MPG: variants seen among roughly 807,000 people sequenced by gnomAD.
MPG encodes N-methylpurine DNA glycosylase.
MPG carries 33 observed loss-of-function variants against 31.7 expected under a neutral mutation model. The observed-to-expected ratio is 1.04, with a 90% CI of 0.79 to 1.39. The LOEUF is 1.39. Among genes scored for constraint, MPG ranks in the 40% most tolerant of loss-of-function variants. MPG has a pLI of 0.00. For synonymous variants in MPG, 202 were observed against 169.2 expected, an observed-to-expected ratio of 1.19 and a Z score of -1.51; for missense variants, 455 against 415.5, an observed-to-expected ratio of 1.10 and a Z score of -0.83.
intron 3 of MPG, 64 bp from the exon 4 acceptor site, chr16:85,335 ATG>A: frequency 6.6e-7 from 1 of 1,504,612 alleles, no homozygotes; most frequent in Non-Finnish European, 8.9e-7. Flanking sequence ...GGATGTCTGG[ATG>A]TGTACTAGGG....
At chr16:84,115 G>A (rs1010547321) in intron 3 of MPG, among the ~76,000 whole-genome samples, 1 of 152,164 alleles carries the variant, frequency 6.6e-6, no homozygotes, top group Admixed American at 6.5e-5. Context: ...CTCTGTGGGG[G>A]CTCAGTGAGA....
In MPG at chr16:85,646, G is replaced by A. The variant is rs1271976685; in HGVS notation, c.751G>A (p.Val251Ile). 1 of 1,591,068 alleles carries A rather than the reference G, an allele frequency of 6.3e-7. No individual in the cohort carries two copies. The highest frequency in any genetic ancestry group is 8.6e-7 in the Non-Finnish European group (1 of 1,164,424). Reference sequence around the variant, plus strand: ...TCCCCTGGAGCCCAGTGAGCCGGCTGTAGTGGCAGCAGCCCGGGTGGGCGT... The same window carrying A: ...TCCCCTGGAGCCCAGTGAGCCGGCTATAGTGGCAGCAGCCCGGGTGGGCGT... ...RGPLEPSEPA[V>I]VAAARVGVGH... The change falls in exon 4 of 4, where the codon GTA (valine) becomes ATA (isoleucine). Residue 251 changes from valine to isoleucine, a missense_variant. Coordinates refer to ENST00000356432, the MANE Select transcript of MPG (RefSeq NM_001015052.3).
In MPG at chr16:80,048, C is replaced by G. The variant is rs146761688; in HGVS notation, c.300+348C>G. On this transcript the variant is annotated intron_variant, in intron 2 of 3. Transcript: ENST00000356432. ...TGGGAACTGTGGCTGTGGCCAGTGT[C>G]GGGCTGCCCCTTCCCGCTGTAGTGG... Among the ~76,000 whole-genome samples the G allele has an allele frequency of 4.0e-4, 61 of 152,350 alleles. 1 individual carries two copies. The highest frequency in any genetic ancestry group is 1.4e-3 in the African/African-American group (58 of 41,592).
chr16:78,176 C>T (rs1447847453), upstream of MPG: 17 of 744,064 alleles, frequency 2.3e-5, no homozygotes, highest in Admixed American at 9.6e-5. Flanking sequence ...GCTCACTGCC[C>T]CCCTTCTCCC....
rs772617796 is a variant in MPG at position 85,445 on chromosome 16, G to A, written c.550G>A (p.Gly184Ser). ...VLLRALEPLE[G>S]LETMRQLRST... Reference sequence around the variant, plus strand: ...GCTGCGAGCACTGGAGCCCCTGGAAGGTCTGGAGACCATGCGTCAGCTTCG... The same window carrying A: ...GCTGCGAGCACTGGAGCCCCTGGAAAGTCTGGAGACCATGCGTCAGCTTCG... Residue 184 changes from glycine (G) to serine (S), a missense_variant, in exon 4 of 4, where the codon GGT becomes AGT. Coordinates refer to ENST00000356432, the MANE Select transcript of MPG (RefSeq NM_001015052.3). 6.2e-7 allele frequency: 1 copy of A among 1,612,512 alleles called. No homozygotes were observed. Among genetic ancestry groups the A allele is most frequent in the South Asian group, 1.1e-5 (1 of 91,046 alleles).
chr16:83,949 C>T lies in MPG; in HGVS notation c.505+693C>T, dbSNP rs189243969. 2.2e-3 allele frequency among the ~76,000 whole-genome samples: 331 copies of T among 152,000 alleles called. 2 individuals are homozygous for T. Among genetic ancestry groups the T allele is most frequent in the African/African-American group, 7.6e-3 (316 of 41,434 alleles). On this transcript the variant is annotated intron_variant, in intron 3 of 3. Coordinates refer to ENST00000356432, the MANE Select transcript of MPG (RefSeq NM_001015052.3). ...GCACAGCAGGGGGACTTAGGGTCGG[C>T]GGAGGAGTCGGTGAGGAAAGGGAGG...
At position 83,221 on chromosome 16, in the gene MPG, A is replaced by G. The variant is rs775633395; in HGVS notation, c.470A>G (p.Tyr157Cys). 8 of 1,612,742 alleles carry G rather than the reference A, an allele frequency of 5.0e-6. No homozygotes were observed. In the East Asian group the frequency reaches 1.8e-4, roughly 36 times the overall value. ...KPGTLYVYII[Y>C]GMYFCMNISS... The stretch of plus-strand genomic sequence containing the variant: ...GGGACCCTGTACGTGTACATCATTT[A>G]CGGCATGTACTTCTGCATGAACATC... Residue 157 changes from tyrosine (Y) to cysteine (C), a missense_variant, in exon 3 of 4, where the codon TAC becomes TGC. Transcript: ENST00000356432.
chr16:79,773 T>C (rs1898193056), intron 2 of MPG, 73 bp downstream of exon 2: 1 of 1,480,104 alleles, frequency 6.8e-7, no homozygotes, highest in Non-Finnish European at 9.1e-7. Flanking sequence ...CCCTGTCCGC[T>C]GCCTGCTGGA....
chr16:79,897 G>A (rs1184619186), intron 2 of MPG, 197 bp downstream of exon 2: 2 of 675,666 alleles, frequency 3.0e-6, no homozygotes, highest in Admixed American at 2.9e-5. Context: ...TGTAGAGATT[G>A]TCAGTGCTGC....
intron 1 of MPG, chr16:79,030 C>T: frequency 1.4e-6 from 2 of 1,423,550 alleles, no homozygotes. Flanking sequence ...GATGAAAGGG[C>T]AGGGCTCCAG....
At chr16:78,186 C>T, upstream of MPG, 2 of 922,708 alleles carry the variant, frequency 2.2e-6, no homozygotes, top group African/African-American at 1.8e-5. Flanking sequence ...CCCCTTCTCC[C>T]GGCTTCCGTC....
intron 2 of MPG, 146 bp downstream of exon 2, chr16:79,846 G>A (rs1017860144): frequency 5.6e-6 from 5 of 897,012 alleles, no homozygotes; most frequent in African/African-American, 1.7e-5. Flanking sequence ...ACTGGTCCCT[G>A]CTTAGCTTCA....
intron 3 of MPG, among the ~76,000 whole-genome samples, chr16:84,817 C>G (rs1453445839): frequency 6.6e-6 from 1 of 152,196 alleles, no homozygotes; most frequent in East Asian, 1.9e-4. Context: ...TGCATGGGCT[C>G]TCCCAACATC....
upstream of MPG, chr16:77,201 G>C (rs1185041170): frequency 6.6e-6 from 1 of 152,234 alleles, no homozygotes; most frequent in African/African-American, 2.4e-5. Flanking sequence ...TGCGGCAGAG[G>C]TGGGTTGTGG....
intron 3 of MPG, among the ~76,000 whole-genome samples, chr16:84,976 C>A (rs575209585): frequency 6.6e-6 from 1 of 152,380 alleles, no homozygotes; most frequent in African/African-American, 2.4e-5. Context: ...CACCCGAGGA[C>A]TGGCTCTCTG....
At chr16:79,267 G>GT (rs2234890) in intron 1 of MPG, 158 bp from the exon 2 acceptor site, 57,468 of 1,561,078 alleles carry the variant, frequency 0.037, 3,930 homozygotes, top group African/African-American at 0.2. Flanking sequence ...GTGTCAGGGT[G>GT]TTTGTGCCTC....
upstream of MPG, among the ~76,000 whole-genome samples, chr16:77,432 G>A (rs955735915): frequency 2.0e-5 from 3 of 152,192 alleles, no homozygotes; most frequent in African/African-American, 7.2e-5. Context: ...GACTTGAGAG[G>A]TTGTGAGAGC....
rs772837868 is a variant in MPG at position 79,666 on chromosome 16, C to T, written c.266C>T (p.Pro89Leu). ...CTGGGGTTGGAGTTCTTCGACCAGC[C>T]GGCAGTCCCCCTGGCCCGGGCATTT... ...TRLGLEFFDQ[P>L]AVPLARAFLG... The change falls in exon 2 of 4, where the codon CCG (proline) becomes CTG (leucine). Residue 89 changes from proline (P) to leucine (L), a missense_variant. Coordinates refer to ENST00000356432, the MANE Select transcript of MPG (RefSeq NM_001015052.3). 3.3e-5 allele frequency: 52 copies of T among 1,568,068 alleles called. No individual in the cohort carries two copies. Among genetic ancestry groups the T allele is most frequent in the Non-Finnish European group, 3.8e-5 (44 of 1,155,446 alleles).
In MPG at chr16:78,290, GCC is replaced by G; in HGVS notation, c.-17_-16del. On this transcript the variant is annotated 5_prime_UTR_variant, in exon 1 of 4. Coordinates refer to ENST00000356432, the MANE Select transcript of MPG (RefSeq NM_001015052.3). ...CGCGCCGGGGTCCGAGTCCCACGAA[GCC>G]CCGGCCCGAGCCGCCGGATGCCCGC... is the stretch of plus-strand genomic sequence containing the variant. 7.4e-7 allele frequency: 1 copy of G among 1,348,788 alleles called. No homozygotes were observed. Among genetic ancestry groups the G allele is most frequent in the Non-Finnish European group, 9.6e-7 (1 of 1,046,850 alleles). The allele number at this position is 1,348,788 out of a possible 1,614,324, so 83.6% of individuals were successfully genotyped here. A position where few individuals can be genotyped will look rare whatever the true frequency, so the allele number is the denominator to read the frequency against.
Sources: gnomAD v4.1 joint callset for allele counts (sites outside exome capture counted in the v4.1 genomes callset) on GRCh38, gnomAD v4.1.1 for gene constraint, MANE v1.5 for transcripts, NCBI Gene and HGNC (gene_info 2026-07-23, HGNC 2026-07-21) for gene names.